IFT81: variants seen among roughly 807,000 people sequenced by gnomAD.
IFT81 encodes the protein intraflagellar transport 81.
Under a neutral mutation model 102.6 loss-of-function variants are expected in IFT81, and 72 were observed. The observed-to-expected ratio is 0.70, with a 90% CI of 0.58 to 0.85. The LOEUF (loss-of-function observed/expected upper bound fraction) is 0.85. IFT81 is among the 40% of genes least tolerant of loss of function. The pLI is 0.00. For synonymous variants in IFT81, 237 were observed against 242.7 expected (o/e 0.98, Z 0.22); for missense variants, 723 against 787.3 (o/e 0.92, Z 0.98).
rs147626910 is a variant in IFT81, at chr12:110,131,560, C to T, written c.430-987C>T. On this transcript the variant is annotated intron_variant, in intron 4 of 18. Transcript: ENST00000242591. ...ACAGGGTTTCACCATGTTGGCCAGGCTGGTCTCGAACTCCTGACCTCAAGT... is the reference window on the plus strand; with the variant it reads ...ACAGGGTTTCACCATGTTGGCCAGGTTGGTCTCGAACTCCTGACCTCAAGT... Among the ~76,000 whole-genome samples the T allele has an allele frequency of 9.2e-3, 1,403 of 152,130 alleles. 19 individuals are homozygous for T. Among genetic ancestry groups the T allele is most frequent in the African/African-American group, 0.031 (1,302 of 41,512 alleles).
rs375143726 is a variant in IFT81, at chr12:110,129,059, C to T, written c.358C>T (p.Arg120Cys). ...NELKKRAYLARFLIKLEVPSE... is the reference protein window; with the variant it reads ...NELKKRAYLACFLIKLEVPSE... ...ACTGAAGAAAAGAGCATATTTAGCTCGTTTTTTAATAAAACTTGAGGTACC... is the reference window on the plus strand; with the variant it reads ...ACTGAAGAAAAGAGCATATTTAGCTTGTTTTTTAATAAAACTTGAGGTACC... Residue 120 changes from arginine to cysteine, a missense_variant, in exon 4 of 19, where the codon CGT (arginine) becomes TGT (cysteine). Coordinates refer to ENST00000242591, the MANE Select transcript of IFT81 (RefSeq NM_014055.4). 8 of 1,605,442 alleles carry T rather than the reference C, an allele frequency of 5.0e-6. No individual in the cohort carries two copies. The highest frequency in any genetic ancestry group is 6.8e-6 in the Non-Finnish European group (8 of 1,177,814).
chr12:110,190,194 A>T (rs906906932), intron 12 of IFT81, among the ~76,000 whole-genome samples: 1 of 152,222 alleles, frequency 6.6e-6, no homozygotes, highest in African/African-American at 2.4e-5. Flanking sequence ...ACTTCTTGAG[A>T]GTGCAAGGGA....
At chr12:110,176,098 T>C (rs1282388211) in intron 11 of IFT81, among the ~76,000 whole-genome samples, 1 of 152,114 alleles carries the variant, frequency 6.6e-6, no homozygotes, top group Non-Finnish European at 1.5e-5. Flanking sequence ...CCTGCTAGCC[T>C]ATGTCTCTGT....
At chr12:110,145,902 C>T (rs1895200455) in intron 9 of IFT81, among the ~76,000 whole-genome samples, 1 of 152,020 alleles carries the variant, frequency 6.6e-6, no homozygotes, top group African/African-American at 2.4e-5. Flanking sequence ...CCTCCACCTC[C>T]TGGGTTCAAG....
intron 11 of IFT81, among the ~76,000 whole-genome samples, chr12:110,166,061 ACC>A (rs1566135820): frequency 6.6e-6 from 1 of 152,104 alleles, no homozygotes; most frequent in Non-Finnish European, 1.5e-5. Context: ...CGAGTTCCTT[ACC>A]CTCTTTATAC....
intron 15 of IFT81, chr12:110,204,210 C>T (rs1898449524): frequency 2.8e-6 from 1 of 356,816 alleles, no homozygotes; most frequent in Non-Finnish European, 5.2e-6. Context: ...TCTTTATCAT[C>T]ATCTCCTAAG....
chr12:110,169,070 TTCCTTCC>T (rs1896606613), intron 11 of IFT81: 1 of 149,304 alleles, frequency 6.7e-6, no homozygotes, highest in Non-Finnish European at 1.5e-5. Flanking sequence ...CCTTCCTTCC[TTCCTTCC>T]TTCCTCTCTC....
At chr12:110,127,024 G>A (rs189717879) in intron 1 of IFT81, among the ~76,000 whole-genome samples, 1 of 152,310 alleles carries the variant, frequency 6.6e-6, no homozygotes, top group East Asian at 1.9e-4. Flanking sequence ...TTAGGAGCAT[G>A]TTTAATTCCT....
chr12:110,127,597 G>A, intron 2 of IFT81, 73 bp downstream of exon 2: 8 of 1,364,138 alleles, frequency 5.9e-6, no homozygotes, highest in Non-Finnish European at 7.8e-6. Flanking sequence ...GTGAGTCTTG[G>A]GCACATTATT....
At chr12:110,202,598 A>T (rs764786764) in intron 14 of IFT81, among the ~76,000 whole-genome samples, 52 of 152,066 alleles carry the variant, frequency 3.4e-4, no homozygotes, top group Non-Finnish European at 1.9e-4. Flanking sequence ...AACTACAGGC[A>T]CGTGCCACCA....
intron 8 of IFT81, among the ~76,000 whole-genome samples, chr12:110,139,866 T>TATAAAATAAAATAAAATAAAATAAA (rs1222136752): frequency 3.1e-5 from 4 of 130,092 alleles, no homozygotes; most frequent in African/African-American, 1.2e-4. Flanking sequence ...TAAAATAAAA[T>TATAAAATAAAATAAAATAAAATAAA]ATAAAATAAA....
intron 4 of IFT81, among the ~76,000 whole-genome samples, chr12:110,129,921 T>C (rs1473223268): frequency 6.6e-6 from 1 of 152,146 alleles, no homozygotes; most frequent in African/African-American, 2.4e-5. Context: ...TGTGCCAAAT[T>C]GTTGTGAATA....
At chr12:110,159,875 G>A (rs1405409937) in intron 10 of IFT81, among the ~76,000 whole-genome samples, 1 of 152,184 alleles carries the variant, frequency 6.6e-6, no homozygotes, top group African/African-American at 2.4e-5. Context: ...GCTAAGGGTT[G>A]AAATTGATTG....
intron 9 of IFT81, among the ~76,000 whole-genome samples, chr12:110,144,534 G>A (rs902207875): frequency 2.7e-5 from 4 of 147,464 alleles, no homozygotes; most frequent in Non-Finnish European, 6.0e-5. Context: ...TTTTTGAGAC[G>A]GAGTCTTGCT....
At chr12:110,213,247 C>A (rs763692348) in intron 18 of IFT81, among the ~76,000 whole-genome samples, 6 of 151,982 alleles carry the variant, frequency 3.9e-5, no homozygotes, top group Non-Finnish European at 7.4e-5. Context: ...CCAGGTTACT[C>A]CCCCATTACA....
chr12:110,155,377 C>T (rs1347894830), intron 10 of IFT81, among the ~76,000 whole-genome samples: 1 of 152,098 alleles, frequency 6.6e-6, no homozygotes, highest in Non-Finnish European at 1.5e-5. Flanking sequence ...ATGGCGCGAT[C>T]TCAGCTCACT....
intron 2 of IFT81, 123 bp downstream of exon 2, chr12:110,127,647 T>A: frequency 2.4e-6 from 2 of 827,362 alleles, no homozygotes; most frequent in Non-Finnish European, 3.5e-6. Context: ...TGTAAAGTAA[T>A]AGTAAATAAT....
intron 12 of IFT81, among the ~76,000 whole-genome samples, chr12:110,181,433 C>T (rs1019009539): frequency 6.6e-6 from 1 of 151,948 alleles, no homozygotes; most frequent in Non-Finnish European, 1.5e-5. Flanking sequence ...TTCTAGTTAC[C>T]TTTCTATTAT....
Position 110,128,001 on chromosome 12 carries a change from G to A in IFT81, c.145-45G>A, listed in dbSNP as rs559392744. The A allele has an allele frequency of 1.5e-5, 19 of 1,298,128 alleles. No individual in the cohort carries two copies. The East Asian group carries it at 4.4e-4, about 30-fold the overall frequency. 80.4% of individuals were successfully genotyped at this position (1,298,128 alleles called of 1,614,324 possible). ...TCAGTGAGTTTAAATATTGTCCTTT[G>A]TTACATATACAACAATAACATGTTT... On this transcript the variant is annotated intron_variant, in intron 2 of 18. Coordinates refer to ENST00000242591, the MANE Select transcript of IFT81 (RefSeq NM_014055.4).
Sources: allele counts gnomAD v4.1 joint callset (sites outside exome capture counted in the v4.1 genomes callset), GRCh38; gene constraint gnomAD v4.1.1; transcripts MANE v1.5; gene names NCBI Gene and HGNC (gene_info 2026-07-23, HGNC 2026-07-21).